Variants in KIF26B observed in about 807,000 individuals in gnomAD.
The protein encoded by KIF26B is kinesin-like protein KIF26B.
KIF26B carries 63 observed loss-of-function variants against 151.2 expected under a neutral mutation model. That is an observed-to-expected ratio of 0.42 (90% CI 0.34 to 0.51). The LOEUF (loss-of-function observed/expected upper bound fraction) is 0.51. Among genes scored for constraint, KIF26B ranks in the 20% least tolerant of loss-of-function variants. The pLI, the probability that KIF26B is intolerant of heterozygous loss-of-function variation, is 0.07. For synonymous variants in KIF26B, 1,357 were observed against 1,262.1 expected (o/e 1.08, Z -1.59); for missense variants, 2,813 against 2,913.6 (o/e 0.97, Z 0.79).
At chr1:245,283,690 A>ATTTTT (rs35386952) in intron 2 of KIF26B, among the ~76,000 whole-genome samples, 3,083 of 141,632 alleles carry the variant, frequency 0.022, 76 homozygotes, top group African/African-American at 0.053. Flanking sequence ...AAGCTTGAGA[A>ATTTTT]TTTTTTTTTT....
intron 2 of KIF26B, among the ~76,000 whole-genome samples, chr1:245,355,662 T>C (rs1672680379): frequency 6.6e-6 from 1 of 151,700 alleles, no homozygotes; most frequent in Admixed American, 6.6e-5. Flanking sequence ...TCAAGAACCA[T>C]TGGAGTAGAG....
intron 5 of KIF26B, among the ~76,000 whole-genome samples, chr1:245,552,817 C>G (rs1661925162): frequency 6.6e-6 from 1 of 152,120 alleles, no homozygotes; most frequent in Admixed American, 6.5e-5. Flanking sequence ...CCAGGCTAGT[C>G]TCAAACTCCT....
intron 9 of KIF26B, among the ~76,000 whole-genome samples, chr1:245,628,202 G>A (rs1444982975): frequency 6.6e-6 from 1 of 152,168 alleles, no homozygotes; most frequent in Non-Finnish European, 1.5e-5. Context: ...GGCCGGGCAC[G>A]GTGGCTCACA....
chr1:245,186,308 A>G (rs1669000915), intron 2 of KIF26B, among the ~76,000 whole-genome samples: 1 of 152,178 alleles, frequency 6.6e-6, no homozygotes, highest in Non-Finnish European at 1.5e-5. Flanking sequence ...CTCGACAGTT[A>G]AGGAAAAGCC....
rs111604184 is a variant in KIF26B at position 245,536,696 on chromosome 1, T to C, written c.1167-4071T>C. Among the ~76,000 whole-genome samples, 462 of 152,298 alleles carry C rather than the reference T, an allele frequency of 3.0e-3. 2 individuals are homozygous for C. Among genetic ancestry groups the C allele is most frequent in the African/African-American group, 0.01 (428 of 41,554 alleles). The stretch of plus-strand genomic sequence containing the variant: ...GGTGTGATTTATCTCTGTTCCATGA[T>C]GTCTGGGACCTCAGGCAGAAGACTT... On this transcript the variant is annotated intron_variant, in intron 4 of 14. Coordinates refer to ENST00000407071, the MANE Select transcript of KIF26B (RefSeq NM_018012.4).
At position 245,227,859 on chromosome 1, in the gene KIF26B, G is replaced by A. The variant is rs1160455410; in HGVS notation, c.465+71176G>A. 6.6e-6 allele frequency among the ~76,000 whole-genome samples: 1 copy of A among 151,980 alleles called. No homozygotes were observed. Among genetic ancestry groups the A allele is most frequent in the Non-Finnish European group, 1.5e-5 (1 of 67,994 alleles). On this transcript the variant is annotated intron_variant, in intron 2 of 14. Coordinates refer to ENST00000407071, the MANE Select transcript of KIF26B (RefSeq NM_018012.4). This position sits in a 1 kb window ranked among gnomAD's most constrained non-coding sequence, Gnocchi z 4.1. ...CTACTAAAAATACAAAAAATTAGCC[G>A]GGCATGGTGGCGGGCACCTGTAATC...
At chr1:245,593,301 C>T (rs866385719) in intron 5 of KIF26B, among the ~76,000 whole-genome samples, 4 of 152,106 alleles carry the variant, frequency 2.6e-5, no homozygotes, top group Non-Finnish European at 4.4e-5. Flanking sequence ...AGGTATTTCT[C>T]CTAATGCTAT....
chr1:245,292,604 C>G (rs1216050046), intron 2 of KIF26B, among the ~76,000 whole-genome samples: 1 of 152,154 alleles, frequency 6.6e-6, no homozygotes, highest in Non-Finnish European at 1.5e-5. Context: ...TGTGGTAACT[C>G]AGCAACACCT....
chr1:245,414,841 G>A (rs534928123), intron 3 of KIF26B, among the ~76,000 whole-genome samples: 2 of 152,316 alleles, frequency 1.3e-5, no homozygotes, highest in South Asian at 2.1e-4. Context: ...CAGAGACTAA[G>A]CAAAGTTTAC....
chr1:245,279,460 A>G (rs1003035201), intron 2 of KIF26B, among the ~76,000 whole-genome samples: 6 of 151,902 alleles, frequency 3.9e-5, no homozygotes, highest in Non-Finnish European at 7.4e-5. Context: ...GACATGCACT[A>G]TCACACGGGG....
chr1:245,331,889 G>A (rs1030103572), intron 2 of KIF26B, among the ~76,000 whole-genome samples: 3 of 152,156 alleles, frequency 2.0e-5, no homozygotes, highest in Admixed American at 2.0e-4. Context: ...CACTTTGGGA[G>A]GCGAGGTGGG....
At chr1:245,446,072 CAT>C (rs1659242898) in intron 4 of KIF26B, among the ~76,000 whole-genome samples, 1 of 152,148 alleles carries the variant, frequency 6.6e-6, no homozygotes, top group African/African-American at 2.4e-5. Flanking sequence ...GTGCGAACAT[CAT>C]AGAGTGCACT....
chr1:245,408,349 C>CTTTTTTTTTT (rs58724712), intron 3 of KIF26B, among the ~76,000 whole-genome samples: 1 of 113,332 alleles, frequency 8.8e-6, no homozygotes, highest in African/African-American at 3.1e-5. Context: ...TTAAATGATT[C>CTTTTTTTTTT]TTTTTTTTTT....
In KIF26B at chr1:245,688,058, G is replaced by C. The variant is rs1385114302; in HGVS notation, c.5075G>C (p.Ser1692Thr). ...CGGGCCGAGAGCCTGTCCTCCGTGA[G>C]CTCCCGGCTGCACGCGGGCAAGGAC... ...LERAESLSSV[S>T]SRLHAGKDGT... The change falls in exon 12 of 15, where the codon AGC (serine) becomes ACC (threonine). Residue 1692 changes from serine (S) to threonine (T), a missense_variant. Around this residue, in one of 3 missense-constraint regions of KIF26B, gnomAD observed 2,060 missense variants for 2,088.6 expected, o/e 0.99. Transcript: ENST00000407071. The C allele has an allele frequency of 1.2e-5, 19 of 1,553,116 alleles. No homozygotes were observed. Among genetic ancestry groups the C allele is most frequent in the Non-Finnish European group, 1.6e-5 (18 of 1,148,908 alleles).
chr1:245,388,443 A>T (rs778323155), intron 3 of KIF26B, among the ~76,000 whole-genome samples: 23 of 152,232 alleles, frequency 1.5e-4, no homozygotes, highest in Non-Finnish European at 2.5e-4. Flanking sequence ...TTGACGTCCC[A>T]GTCCTGATTG....
chr1:245,413,893 G>T (rs1674352981), intron 3 of KIF26B, among the ~76,000 whole-genome samples: 1 of 152,176 alleles, frequency 6.6e-6, no homozygotes, highest in African/African-American at 2.4e-5. Flanking sequence ...CCCAACCGTG[G>T]CTCCTCCTCC....
intron 10 of KIF26B, among the ~76,000 whole-genome samples, chr1:245,681,498 C>T (rs113468028): frequency 0.011 from 1,600 of 152,194 alleles, 10 homozygotes; most frequent in African/African-American, 0.013. Context: ...CATGAGCCAC[C>T]GCGCCCGGCC....
intron 3 of KIF26B, among the ~76,000 whole-genome samples, chr1:245,395,899 C>T (rs1287979880): frequency 2.0e-5 from 3 of 152,188 alleles, no homozygotes; most frequent in Non-Finnish European, 4.4e-5. Flanking sequence ...TGGCAAACCT[C>T]TGAAAGCCTC....
At chr1:245,522,728 G>C (rs1170420350) in intron 4 of KIF26B, among the ~76,000 whole-genome samples, 2 of 152,162 alleles carry the variant, frequency 1.3e-5, no homozygotes, top group Non-Finnish European at 2.9e-5. Context: ...TTATATTCAG[G>C]ATGTCCAGGA....
Sources: allele counts gnomAD v4.1 joint callset (sites outside exome capture counted in the v4.1 genomes callset), GRCh38; gene constraint gnomAD v4.1.1; regional missense constraint gnomAD v4.1.1; non-coding constraint Gnocchi (gnomAD v3.1); transcripts MANE v1.5; gene names NCBI Gene and HGNC (gene_info 2026-07-23, HGNC 2026-07-21).